Variants in CFAP97 observed in about 807,000 individuals in gnomAD.
The protein encoded by CFAP97 is cilia- and flagella-associated protein 97.
A neutral mutation model predicts 43.1 loss-of-function variants in CFAP97; 36 were observed. That is an observed-to-expected ratio of 0.84 (90% confidence interval 0.64 to 1.10). The LOEUF is 1.10. Ranked by LOEUF, CFAP97 falls within the 50% of genes least tolerant of loss-of-function variation. CFAP97 has a pLI of 0.00. For missense variants in CFAP97, 657 were observed against 620.3 expected, an observed-to-expected ratio of 1.06 and a Z score of -0.63; for synonymous variants, 228 against 225.7, an observed-to-expected ratio of 1.01 and a Z score of -0.09.
chr4:185,200,287 G>A (rs1290571608), intron 1 of CFAP97, among the ~76,000 whole-genome samples: 1 of 152,206 alleles, frequency 6.6e-6, no homozygotes, highest in Non-Finnish European at 1.5e-5. Context: ...GTTGAGCCCA[G>A]AAGTTTTAGA....
intron 3 of CFAP97, among the ~76,000 whole-genome samples, chr4:185,167,941 G>A (rs1405106331): frequency 2.7e-5 from 4 of 148,304 alleles, no homozygotes; most frequent in African/African-American, 1.0e-4. Flanking sequence ...GGAGGTTGCA[G>A]TGAACCGAGA....
In CFAP97 at chr4:185,190,334, C is replaced by T; in HGVS notation, c.863G>A (p.Ser288Asn). 6.2e-7 allele frequency: 1 copy of T among 1,603,486 alleles called. No homozygotes were observed. Among genetic ancestry groups the T allele is most frequent in the East Asian group, 2.2e-5 (1 of 44,728 alleles). Reference protein sequence around the residue: ...KVKIKKQENVSQEIYEDVEDL... With the variant: ...KVKIKKQENVNQEIYEDVEDL... ...CTCAACATCTTCATATATTTCTTGG[C>T]TCACATTTTCTTGCTTTTTAATTTT... is the stretch of plus-strand genomic sequence containing the variant. Residue 288 changes from serine to asparagine, a missense_variant, in exon 2 of 5, where the codon AGC becomes AAC. By Grantham distance (46) the Ser-to-Asn change is conservative. Coordinates refer to ENST00000458385, the MANE Select transcript of CFAP97 (RefSeq NM_020827.3).
At chr4:185,170,139 G>A in intron 3 of CFAP97, 1 of 856,414 alleles carries the variant, frequency 1.2e-6, no homozygotes, top group Non-Finnish European at 1.6e-6. Context: ...CTTGAGGTCA[G>A]GAGTTTGAGA....
chr4:185,170,165 T>C (rs767651311), intron 3 of CFAP97: 9 of 618,668 alleles, frequency 1.5e-5, no homozygotes, highest in Non-Finnish European at 2.0e-5. Flanking sequence ...CTGGCTAACA[T>C]GGCAATACCA....
At chr4:185,195,885 T>C (rs1736515948) in intron 1 of CFAP97, among the ~76,000 whole-genome samples, 1 of 152,096 alleles carries the variant, frequency 6.6e-6, no homozygotes, top group South Asian at 2.1e-4. Flanking sequence ...GAAAACAAAA[T>C]GTCAAGGAGT....
At position 185,165,955 on chromosome 4, in the gene CFAP97, T is replaced by C. The variant is rs147745659; in HGVS notation, c.1321-1776A>G. Among the ~76,000 whole-genome samples the C allele has an allele frequency of 2.8e-4, 43 of 152,282 alleles. No individual in the cohort carries two copies. The East Asian group carries it at 5.8e-3, about 21-fold the overall frequency. ...GAAAAGGGAGAGGAGGAGGTTGTTA[T>C]AGAAACAAAAGGAGGCTTGGAGGCA... On this transcript the variant is annotated intron_variant, in intron 3 of 4. Coordinates refer to ENST00000458385, the MANE Select transcript of CFAP97 (RefSeq NM_020827.3).
intron 3 of CFAP97, among the ~76,000 whole-genome samples, chr4:185,166,105 GAA>G (rs1330776390): frequency 6.6e-6 from 1 of 152,120 alleles, no homozygotes; most frequent in Non-Finnish European, 1.5e-5. Context: ...TCAAAAGCTA[GAA>G]AAGAGTCACC....
Position 185,190,608 on chromosome 4 carries a change from G to C in CFAP97, c.589C>G (p.Leu197Val). The change falls in exon 2 of 5, where the codon CTA (leucine) becomes GTA (valine). Residue 197 changes from leucine to valine, a missense_variant. Coordinates refer to ENST00000458385, the MANE Select transcript of CFAP97 (RefSeq NM_020827.3). ...TTAGATGACGGAGACGAATCAGATAGATGGCTATCAGACCCTGCATCTAAA... is the reference window on the plus strand; with the variant it reads ...TTAGATGACGGAGACGAATCAGATACATGGCTATCAGACCCTGCATCTAAA... ...DCLDAGSDSHLSDSSPSSKSS... is the reference protein window; with the variant it reads ...DCLDAGSDSHVSDSSPSSKSS... 1 of 1,607,828 alleles carries C rather than the reference G, an allele frequency of 6.2e-7. No individual in the cohort carries two copies. The highest frequency in any genetic ancestry group is 8.5e-7 in the Non-Finnish European group (1 of 1,176,698).
intron 2 of CFAP97, among the ~76,000 whole-genome samples, chr4:185,179,445 T>A (rs78880987): frequency 6.6e-6 from 1 of 152,186 alleles, no homozygotes; most frequent in Admixed American, 6.5e-5. Flanking sequence ...AAAGAAATGA[T>A]GCTATGTGAC....
intron 2 of CFAP97, among the ~76,000 whole-genome samples, chr4:185,185,807 T>C (rs1451066348): frequency 1.3e-5 from 2 of 151,836 alleles, no homozygotes; most frequent in Admixed American, 6.6e-5. Flanking sequence ...GCCTAGCTAA[T>C]TTTTGTATTT....
rs140033885 is a variant in CFAP97, at chr4:185,183,649, A to C, written c.1054+6494T>G. Among the ~76,000 whole-genome samples, 445 of 152,348 alleles carry C rather than the reference A, an allele frequency of 2.9e-3. 18 individuals are homozygous for C. In the South Asian group the frequency reaches 0.064, roughly 22 times the overall value. On this transcript the variant is annotated intron_variant, in intron 2 of 4. Transcript: ENST00000458385. ...CGAGCATGAATGATAATTTTGAAAA[A>C]TGATTGCAATACCTTATATAATAGA...
At chr4:185,165,214 C>G (rs888508331) in intron 3 of CFAP97, among the ~76,000 whole-genome samples, 16 of 152,230 alleles carry the variant, frequency 1.1e-4, no homozygotes, top group Middle Eastern at 3.4e-3. Flanking sequence ...TTGGGGAGCC[C>G]GGGGCGGGTG....
At chr4:185,182,465 G>A (rs1735831640) in intron 2 of CFAP97, 1 of 152,110 alleles carries the variant, frequency 6.6e-6, no homozygotes, top group Non-Finnish European at 1.5e-5. Context: ...CCACTTCAAA[G>A]TCCTGTATCT....
rs536860758 is a variant in CFAP97 at position 185,162,669 on chromosome 4, T to C, written c.*129A>G. ...TAATTTTGCACTGAATAACAATACATTACAACTCACTGTTGTACACCTTCA... is the reference window on the plus strand; with the variant it reads ...TAATTTTGCACTGAATAACAATACACTACAACTCACTGTTGTACACCTTCA... On this transcript the variant is annotated 3_prime_UTR_variant, in exon 5 of 5. Transcript: ENST00000458385. The C allele has an allele frequency of 1.0e-6, 1 of 986,984 alleles. No homozygotes were observed. The allele number at this position is 986,984 out of a possible 1,614,324, so 61.1% of individuals were successfully genotyped here.
At chr4:185,193,693 A>G (rs1736408036) in intron 1 of CFAP97, among the ~76,000 whole-genome samples, 1 of 152,260 alleles carries the variant, frequency 6.6e-6, no homozygotes, top group South Asian at 2.1e-4. Context: ...TGTGCTCACT[A>G]TATTCATATT....
intron 2 of CFAP97, among the ~76,000 whole-genome samples, chr4:185,188,347 ATT>A (rs1267049610): frequency 7.0e-6 from 1 of 142,810 alleles, no homozygotes; most frequent in Admixed American, 7.0e-5. Context: ...ACATATATAC[ATT>A]TTTTTTTTTT....
chr4:185,176,584 A>T (rs1735553875), intron 2 of CFAP97, among the ~76,000 whole-genome samples: 1 of 152,204 alleles, frequency 6.6e-6, no homozygotes, highest in Admixed American at 6.5e-5. Context: ...GAAACAATGA[A>T]AGTATCTTTA....
At chr4:185,198,485 C>G (rs1736662094) in intron 1 of CFAP97, among the ~76,000 whole-genome samples, 1 of 147,086 alleles carries the variant, frequency 6.8e-6, no homozygotes, top group African/African-American at 2.5e-5. Flanking sequence ...GAAGCCTACT[C>G]TATCACATAA....
Position 185,164,910 on chromosome 4 carries a change from A to G in CFAP97, c.1321-731T>C, listed in dbSNP as rs75765444. On this transcript the variant is annotated intron_variant, in intron 3 of 4. Transcript: ENST00000458385. ...GCTACTACAGATTCTCCACATGTAC[A>G]TTGCAGAGCAGTGCCTTTCACCCTG... Among the ~76,000 whole-genome samples the G allele has an allele frequency of 5.2e-3, 797 of 152,344 alleles. 5 individuals are homozygous for G. Among genetic ancestry groups the G allele is most frequent in the African/African-American group, 0.018 (734 of 41,578 alleles).
Sources: allele counts gnomAD v4.1 joint callset (sites outside exome capture counted in the v4.1 genomes callset), GRCh38; gene constraint gnomAD v4.1.1; transcripts MANE v1.5; gene names NCBI Gene and HGNC (gene_info 2026-07-23, HGNC 2026-07-21).